EIPR1: variants seen among roughly 807,000 people sequenced by gnomAD.
The protein encoded by EIPR1 is EARP and GARP complex-interacting protein 1.
A neutral mutation model predicts 48.1 loss-of-function variants in EIPR1; 25 were observed. The ratio of observed to expected loss-of-function variants is 0.52; its 90% CI spans 0.38 to 0.73. The LOEUF (loss-of-function observed/expected upper bound fraction) is 0.73. EIPR1 is among the 30% of genes least tolerant of loss of function. The probability of loss-of-function intolerance (pLI) is 0.00; values close to 1 mark genes in which losing one functional copy is unlikely to be tolerated. For synonymous variants in EIPR1, 204 were observed against 201.9 expected (o/e 1.01, Z -0.09); for missense variants, 415 against 506.2 (o/e 0.82, Z 1.73).
intron 4 of EIPR1, among the ~76,000 whole-genome samples, chr2:3,253,540 G>A (rs1667065908): frequency 1.3e-5 from 2 of 152,222 alleles, no homozygotes; most frequent in South Asian, 2.1e-4. Flanking sequence ...TTGAGCTAGA[G>A]AAATGAGTGA....
In EIPR1 at chr2:3,377,748, G is replaced by A; in HGVS notation, c.-59C>T. 12 of 1,546,020 alleles carry A rather than the reference G, an allele frequency of 7.8e-6. No individual in the cohort carries two copies. In the South Asian group the frequency reaches 1.4e-4, roughly 18 times the overall value. On this transcript the variant is annotated 5_prime_UTR_variant, in exon 1 of 9. Coordinates refer to ENST00000382125, the MANE Select transcript of EIPR1 (RefSeq NM_003310.5). ...CACGCTAAGGACCTCGCTACGGCCGGCGCGTCCCCACCTCGCGGGCGTGTT... is the reference window on the plus strand; with the variant it reads ...CACGCTAAGGACCTCGCTACGGCCGACGCGTCCCCACCTCGCGGGCGTGTT...
At chr2:3,234,526 G>T (rs1045403381) in intron 4 of EIPR1, among the ~76,000 whole-genome samples, 1 of 152,174 alleles carries the variant, frequency 6.6e-6, no homozygotes. Context: ...CATGGTGAAT[G>T]CACAATAAAT....
intron 1 of EIPR1, among the ~76,000 whole-genome samples, chr2:3,377,048 T>A (rs1659906628): frequency 6.6e-6 from 1 of 152,226 alleles, no homozygotes; most frequent in Non-Finnish European, 1.5e-5. Context: ...ACACCTACTA[T>A]GTGACAGTCA....
In EIPR1 at chr2:3,352,051, T is replaced by C. The variant is rs554431068; in HGVS notation, c.126+2499A>G. On this transcript the variant is annotated intron_variant, in intron 2 of 8. Transcript: ENST00000382125. ...CTGTTCCGGACACCTTTGATCAGCA[T>C]ATCCATGCTACAGAAGCGACCTGCC... Among the ~76,000 whole-genome samples, 186 of 143,862 alleles carry C rather than the reference T, an allele frequency of 1.3e-3. 1 individual carries two copies. The highest frequency in any genetic ancestry group is 4.5e-3 in the African/African-American group (178 of 39,298). 94.4% of individuals were successfully genotyped at this position (143,862 alleles called of 152,430 possible).
At chr2:3,233,534 G>C (rs907991093) in intron 4 of EIPR1, among the ~76,000 whole-genome samples, 1 of 152,200 alleles carries the variant, frequency 6.6e-6, no homozygotes, top group African/African-American at 2.4e-5. Context: ...CTGGATCCCA[G>C]CCGTAACTGT....
intron 3 of EIPR1, among the ~76,000 whole-genome samples, chr2:3,315,173 CCCCT>C (rs1302279007): frequency 0.026 from 4 of 152 alleles, no homozygotes; most frequent in Admixed American, 0.056. Flanking sequence ...TCATCACCAC[CCCCT>C]ACCACCACCA....
intron 5 of EIPR1, among the ~76,000 whole-genome samples, chr2:3,201,304 C>A (rs1665026094): frequency 6.6e-6 from 1 of 152,222 alleles, no homozygotes; most frequent in Non-Finnish European, 1.5e-5. Flanking sequence ...ACTGGCACAG[C>A]CGGGCCAGGC....
At chr2:3,274,238 A>G in intron 3 of EIPR1, 9 of 1,495,050 alleles carry the variant, frequency 6.0e-6, no homozygotes, top group South Asian at 5.2e-5. Context: ...TATCAGACTC[A>G]GGAGCACAAC....
At chr2:3,311,359 T>C (rs1476381980) in intron 3 of EIPR1, among the ~76,000 whole-genome samples, 1 of 152,176 alleles carries the variant, frequency 6.6e-6, no homozygotes, top group Non-Finnish European at 1.5e-5. Context: ...CAGAAATGAT[T>C]TCTTTTCACA....
At chr2:3,310,481 G>A (rs1190871725) in intron 3 of EIPR1, among the ~76,000 whole-genome samples, 4 of 138,914 alleles carry the variant, frequency 2.9e-5, no homozygotes, top group Admixed American at 1.4e-4. Flanking sequence ...GTGAAACCCC[G>A]TCTCTACTAA....
chr2:3,266,765 C>T (rs1667502133), intron 3 of EIPR1, among the ~76,000 whole-genome samples: 1 of 152,230 alleles, frequency 6.6e-6, no homozygotes, highest in African/African-American at 2.4e-5. Flanking sequence ...CCAATCAGAG[C>T]AGTCTAGCCC....
At chr2:3,322,369 A>G (rs1357529753) in intron 3 of EIPR1, among the ~76,000 whole-genome samples, 3 of 152,234 alleles carry the variant, frequency 2.0e-5, no homozygotes, top group South Asian at 2.1e-4. Context: ...TGTCTCGATC[A>G]CAACAAAAGC....
intron 3 of EIPR1, among the ~76,000 whole-genome samples, chr2:3,272,037 G>A (rs780029901): frequency 3.9e-5 from 6 of 152,200 alleles, no homozygotes; most frequent in African/African-American, 9.7e-5. Context: ...GTACTCTTAC[G>A]CTATGGAGAT....
At chr2:3,294,757 CT>C (rs1668486517) in intron 3 of EIPR1, among the ~76,000 whole-genome samples, 1 of 140,864 alleles carries the variant, frequency 7.1e-6, no homozygotes. Context: ...ATACACATGC[CT>C]TCCATCCAGC....
intron 2 of EIPR1, among the ~76,000 whole-genome samples, chr2:3,339,122 T>C (rs538812884): frequency 5.6e-4 from 86 of 152,254 alleles, no homozygotes; most frequent in Non-Finnish European, 9.4e-4. Context: ...ATATATGTTT[T>C]AGAAGAGAAT....
intron 4 of EIPR1, among the ~76,000 whole-genome samples, chr2:3,248,232 G>A (rs2103202809): frequency 6.6e-6 from 1 of 152,340 alleles, no homozygotes; most frequent in African/African-American, 2.4e-5. Context: ...TGGATCACCT[G>A]AGATCAGGAG....
At chr2:3,280,165 A>C (rs994174885) in intron 3 of EIPR1, among the ~76,000 whole-genome samples, 10 of 152,240 alleles carry the variant, frequency 6.6e-5, no homozygotes, top group Non-Finnish European at 1.3e-4. Context: ...ATGCAGCAGT[A>C]ATTCCAAAAC....
At chr2:3,197,390 G>A (rs568720961) in intron 5 of EIPR1, among the ~76,000 whole-genome samples, 20 of 152,338 alleles carry the variant, frequency 1.3e-4, no homozygotes, top group Admixed American at 3.3e-4. Flanking sequence ...GAGCGGTTCC[G>A]GAATAACAAA....
intron 4 of EIPR1, among the ~76,000 whole-genome samples, chr2:3,227,545 T>A (rs2103160335): frequency 6.6e-6 from 1 of 152,178 alleles, no homozygotes; most frequent in East Asian, 1.9e-4. Flanking sequence ...GAAAAAACCA[T>A]TTTCTGGGGA....
Sources: gnomAD v4.1 joint callset for allele counts (sites outside exome capture counted in the v4.1 genomes callset) on GRCh38, gnomAD v4.1.1 for gene constraint, MANE v1.5 for transcripts, NCBI Gene and HGNC (gene_info 2026-07-23, HGNC 2026-07-21) for gene names.